The following USP15 variants were observed in gnomAD, a reference collection of about 807,000 sequenced individuals.
USP15 encodes ubiquitin carboxyl-terminal hydrolase 15.
Under a neutral mutation model 127.1 loss-of-function variants are expected in USP15, and 18 were observed. That is an observed-to-expected ratio of 0.14 (90% CI 0.10 to 0.21). The LOEUF (loss-of-function observed/expected upper bound fraction) is 0.21, where lower values mean the gene tolerates loss of function less well. Among genes scored for constraint, USP15 ranks in the 10% least tolerant of loss-of-function variants. The probability of loss-of-function intolerance (pLI) is 1.00; values close to 1 mark genes in which losing one functional copy is unlikely to be tolerated. For synonymous variants in USP15, 364 were observed against 393.7 expected, an observed-to-expected ratio of 0.92 and a Z score of 0.89; for missense variants, 805 against 1,159.9, an observed-to-expected ratio of 0.69 and a Z score of 4.44.
intron 6 of USP15, among the ~76,000 whole-genome samples, chr12:62,337,197 G>A (rs1027363597): frequency 5.3e-5 from 8 of 152,160 alleles, no homozygotes; most frequent in African/African-American, 7.2e-5. Flanking sequence ...ATCATTGGCT[G>A]CAAATACATT....
chr12:62,304,874 A>G, intron 3 of USP15: 1 of 248,682 alleles, frequency 4.0e-6, no homozygotes, highest in Non-Finnish European at 8.3e-6. Flanking sequence ...CAAAACTATT[A>G]AAGAAGAAGC....
At position 62,411,894 on chromosome 12, in the gene USP15, G is replaced by A. The variant is rs10732749; in HGVS notation, c.*7519G>A. 130,262 of 152,064 alleles carry A rather than the reference G, an allele frequency of 0.86. 56,062 individuals carry two copies. Among genetic ancestry groups the A allele is most frequent in the African/African-American group, 0.93 (38,470 of 41,484 alleles). 9.4% of individuals were successfully genotyped at this position (152,064 alleles called of 1,614,324 possible). ...TCTTTTTTATAAGGGCACTAATCCCGTCATGAAGCCCTCACCCTCATGACC... is the reference window on the plus strand; with the variant it reads ...TCTTTTTTATAAGGGCACTAATCCCATCATGAAGCCCTCACCCTCATGACC... On this transcript the variant is annotated 3_prime_UTR_variant, in exon 22 of 22. Coordinates refer to ENST00000280377, the MANE Select transcript of USP15 (RefSeq NM_001252078.2).
intron 1 of USP15, among the ~76,000 whole-genome samples, chr12:62,282,153 T>C (rs1809629092): frequency 6.6e-6 from 1 of 151,900 alleles, no homozygotes; most frequent in African/African-American, 2.4e-5. Flanking sequence ...CGTAGTGATA[T>C]CTCATCTCTA....
intron 8 of USP15, among the ~76,000 whole-genome samples, chr12:62,375,193 T>C (rs1190829246): frequency 6.6e-6 from 1 of 152,168 alleles, no homozygotes; most frequent in African/African-American, 2.4e-5. Context: ...TCCAAACATA[T>C]TTCCTTTGCA....
chr12:62,390,021 A>T lies in USP15; in HGVS notation c.1844+33A>T, dbSNP rs186251260. On this transcript the variant is annotated intron_variant, in intron 14 of 21. Coordinates refer to ENST00000280377, the MANE Select transcript of USP15 (RefSeq NM_001252078.2). Reference sequence around the variant, plus strand: ...CCAGACAATTCTACATTGACAAAATAAATATGGGAATAAAATATAAAATAG... The same window carrying T: ...CCAGACAATTCTACATTGACAAAATTAATATGGGAATAAAATATAAAATAG... 3,714 of 1,513,920 alleles carry T rather than the reference A, an allele frequency of 2.5e-3. 3 individuals carry two copies. The highest frequency in any genetic ancestry group is 3.1e-3 in the Non-Finnish European group (3,533 of 1,126,612). The allele number at this position is 1,513,920 out of a possible 1,614,324, so 93.8% of individuals were successfully genotyped here.
At chr12:62,374,599 A>G in intron 8 of USP15, 1 of 978,436 alleles carries the variant, frequency 1.0e-6, no homozygotes, top group Middle Eastern at 5.3e-4. Context: ...TCATTTCCTA[A>G]AATATGTTGA....
At chr12:62,302,768 G>A (rs748674632) in intron 2 of USP15, 22 bp from the exon 3 acceptor site, 265 of 1,597,130 alleles carry the variant, frequency 1.7e-4, no homozygotes, top group Non-Finnish European at 2.2e-4. Context: ...GTTAGGTATT[G>A]AGTTTATTTT....
At chr12:62,261,832 T>A (rs2063069899) in intron 1 of USP15, among the ~76,000 whole-genome samples, 1 of 152,240 alleles carries the variant, frequency 6.6e-6, no homozygotes, top group Non-Finnish European at 1.5e-5. Flanking sequence ...TCTTAGTCTC[T>A]TTTTTCTTTT....
At chr12:62,354,873 G>A (rs1194380554) in intron 7 of USP15, 1 of 151,990 alleles carries the variant, frequency 6.6e-6, no homozygotes, top group Non-Finnish European at 1.5e-5. Flanking sequence ...AGTGGCCTTG[G>A]AAATCTCTGC....
chr12:62,383,780 A>T, intron 9 of USP15, 60 bp from the exon 10 acceptor site: 1 of 1,540,386 alleles, frequency 6.5e-7, no homozygotes, highest in South Asian at 1.2e-5. Context: ...TCTATTGTAC[A>T]TATGTTTAAA....
At chr12:62,280,955 A>T (rs1349112695) in intron 1 of USP15, among the ~76,000 whole-genome samples, 1 of 152,242 alleles carries the variant, frequency 6.6e-6, no homozygotes, top group Non-Finnish European at 1.5e-5. Flanking sequence ...CTTTAAGTCC[A>T]TAAAAGAAAC....
chr12:62,352,520 G>A (rs976740151), intron 7 of USP15, among the ~76,000 whole-genome samples: 4 of 151,820 alleles, frequency 2.6e-5, no homozygotes, highest in South Asian at 4.2e-4. Flanking sequence ...CGTGTTTATT[G>A]TCTCAATTTG....
At chr12:62,262,753 C>T (rs1326487124) in intron 1 of USP15, among the ~76,000 whole-genome samples, 1 of 152,138 alleles carries the variant, frequency 6.6e-6, no homozygotes, top group African/African-American at 2.4e-5. Context: ...TGATCCACCT[C>T]AGCCTCCCAA....
At chr12:62,380,519 A>G (rs977303839) in intron 8 of USP15, among the ~76,000 whole-genome samples, 1 of 152,012 alleles carries the variant, frequency 6.6e-6, no homozygotes, top group African/African-American at 2.4e-5. Flanking sequence ...ATTTCCATTA[A>G]TGTGAATCCA....
intron 1 of USP15, among the ~76,000 whole-genome samples, chr12:62,272,873 A>G (rs1307243470): frequency 2.0e-5 from 3 of 152,056 alleles, no homozygotes; most frequent in Admixed American, 1.3e-4. Flanking sequence ...TTGACGTAGT[A>G]TTTCACATGT....
At chr12:62,376,557 A>T (rs917828404) in intron 8 of USP15, among the ~76,000 whole-genome samples, 2 of 152,204 alleles carry the variant, frequency 1.3e-5, no homozygotes, top group African/African-American at 4.8e-5. Context: ...CCAATAAATT[A>T]ACAGGGGCAT....
intron 9 of USP15, among the ~76,000 whole-genome samples, chr12:62,382,380 AC>A (rs1353896265): frequency 7.2e-5 from 11 of 151,998 alleles, no homozygotes; most frequent in African/African-American, 2.7e-4. Flanking sequence ...CGTTATTTAT[AC>A]AAGTAATTTA....
chr12:62,408,325 C>G lies in USP15; in HGVS notation c.*3950C>G, dbSNP rs2067940682. ...GCATTTCATTATTGCCTACTTCCAA[C>G]TCTCCCTATGTAGTATGTTTCTGAT... is the stretch of plus-strand genomic sequence containing the variant. On this transcript the variant is annotated 3_prime_UTR_variant, in exon 22 of 22. Transcript: ENST00000280377. The G allele has an allele frequency of 7.7e-6, 1 of 129,070 alleles. No individual in the cohort carries two copies. The highest frequency in any genetic ancestry group is 1.8e-5 in the Non-Finnish European group (1 of 55,090). 8.0% of individuals were successfully genotyped at this position (129,070 alleles called of 1,614,324 possible). A position where few individuals can be genotyped will look rare whatever the true frequency, so the allele number is the denominator to read the frequency against.
chr12:62,327,334 A>G (rs1188552303), intron 6 of USP15, among the ~76,000 whole-genome samples: 2 of 152,116 alleles, frequency 1.3e-5, no homozygotes, highest in Admixed American at 1.3e-4. Context: ...AACTTAGTAT[A>G]AAAGTAGAAC....
Sources: allele counts gnomAD v4.1 joint callset (sites outside exome capture counted in the v4.1 genomes callset), GRCh38; gene constraint gnomAD v4.1.1; transcripts MANE v1.5; gene names NCBI Gene and HGNC (gene_info 2026-07-23, HGNC 2026-07-21).